The following SRRM4 variants were observed in gnomAD, a reference collection of about 807,000 sequenced individuals.
SRRM4 encodes the protein serine/arginine repetitive matrix protein 4.
SRRM4 carries 33 observed loss-of-function variants against 68.9 expected under a neutral mutation model. That is an observed-to-expected ratio of 0.48 (90% CI 0.36 to 0.64). The LOEUF is 0.64. Among genes scored for constraint, SRRM4 ranks in the 30% least tolerant of loss-of-function variants. The pLI, the probability that SRRM4 is intolerant of heterozygous loss-of-function variation, is 0.00. For missense variants in SRRM4, 817 were observed against 827.1 expected, an observed-to-expected ratio of 0.99 and a Z score of 0.15; for synonymous variants, 318 against 318.8, an observed-to-expected ratio of 1.00 and a Z score of 0.03.
At position 118,982,032 on chromosome 12, in the gene SRRM4, G is replaced by T; in HGVS notation, c.131+19G>T. The T allele has an allele frequency of 1.3e-6, 2 of 1,599,410 alleles. No individual in the cohort carries two copies. The highest frequency in any genetic ancestry group is 1.7e-4 in the Middle Eastern group (1 of 6,042). ...TGCCAAGGTAATGATCTCCTTCTTA[G>T]AAGGGGGGATCCTGAAGGTCCTCCT... On this transcript the variant is annotated intron_variant, in intron 1 of 12. Transcript: ENST00000267260.
intron 1 of SRRM4, among the ~76,000 whole-genome samples, chr12:119,042,399 G>A (rs922938244): frequency 6.6e-6 from 1 of 152,016 alleles, no homozygotes; most frequent in African/African-American, 2.4e-5. Context: ...GCAATAAATA[G>A]GAGAGATGCT....
chr12:119,129,088 C>A (rs1954277771), intron 7 of SRRM4, among the ~76,000 whole-genome samples: 2 of 152,210 alleles, frequency 1.3e-5, no homozygotes, highest in African/African-American at 4.8e-5. Context: ...CTGCCCTGGC[C>A]CTTGCTCTGC....
At chr12:119,005,107 T>A (rs1221223920) in intron 1 of SRRM4, among the ~76,000 whole-genome samples, 1 of 152,168 alleles carries the variant, frequency 6.6e-6, no homozygotes, top group Non-Finnish European at 1.5e-5. Flanking sequence ...GCCCCTAAAC[T>A]CTGGCTGACT....
At chr12:119,019,957 C>CA (rs201955812) in intron 1 of SRRM4, among the ~76,000 whole-genome samples, 15 of 84,202 alleles carry the variant, frequency 1.8e-4, no homozygotes, top group Non-Finnish European at 2.3e-4. Context: ...GCTCCCCCCC[C>CA]CCCCAAAAAA....
intron 1 of SRRM4, among the ~76,000 whole-genome samples, chr12:119,062,092 CA>C: frequency 6.6e-6 from 1 of 152,328 alleles, no homozygotes; most frequent in East Asian, 1.9e-4. Flanking sequence ...CCTAGGCTAC[CA>C]ACCTGCACAG....
rs1954436307 is a variant in SRRM4 at position 119,151,102 on chromosome 12, G to A, written c.1162G>A (p.Gly388Arg). ...PSTARSSPMK[G>R]CSRSSSYAST... ...CACAGCCCGGAGCTCACCCATGAAAGGGTGTTCCCGCAGCTCCTCCTATGC... is the reference window on the plus strand; with the variant it reads ...CACAGCCCGGAGCTCACCCATGAAAAGGTGTTCCCGCAGCTCCTCCTATGC... The change falls in exon 10 of 13, where the codon GGG (glycine) becomes AGG (arginine). Residue 388 changes from glycine to arginine, a missense_variant. Gly to Arg is a moderately radical substitution (Grantham distance 125). Coordinates refer to ENST00000267260, the MANE Select transcript of SRRM4 (RefSeq NM_194286.4). 1 of 1,613,854 alleles carries A rather than the reference G, an allele frequency of 6.2e-7. No homozygotes were observed. The highest frequency in any genetic ancestry group is 1.7e-5 in the Admixed American group (1 of 60,004).
At chr12:119,119,034 T>G (rs1406674103) in intron 4 of SRRM4, among the ~76,000 whole-genome samples, 1 of 146,932 alleles carries the variant, frequency 6.8e-6, no homozygotes, top group African/African-American at 2.5e-5. Flanking sequence ...GACCTAGGGG[T>G]AGCGAAAGCA....
chr12:119,003,229 T>C (rs1464457090), intron 1 of SRRM4, among the ~76,000 whole-genome samples: 1 of 151,644 alleles, frequency 6.6e-6, no homozygotes, highest in Non-Finnish European at 1.5e-5. Context: ...GCAAGTAGAT[T>C]TAACCCAGCC....
chr12:118,994,573 C>T (rs1459434921), intron 1 of SRRM4, among the ~76,000 whole-genome samples: 1 of 152,214 alleles, frequency 6.6e-6, no homozygotes, highest in African/African-American at 2.4e-5. Flanking sequence ...CTCCCAGTCA[C>T]CAAGCAAATG....
intron 1 of SRRM4, among the ~76,000 whole-genome samples, chr12:118,985,651 G>T (rs2135987001): frequency 6.6e-6 from 1 of 152,230 alleles, no homozygotes; most frequent in Non-Finnish European, 1.5e-5. Context: ...AGTGTAGAGA[G>T]CCACCTCCCT....
At chr12:119,049,710 G>A (rs964447096) in intron 1 of SRRM4, among the ~76,000 whole-genome samples, 1 of 152,140 alleles carries the variant, frequency 6.6e-6, no homozygotes, top group African/African-American at 2.4e-5. Context: ...TTTTCTCATT[G>A]TTTTGAAGGC....
At chr12:119,027,698 C>T (rs1051458341) in intron 1 of SRRM4, among the ~76,000 whole-genome samples, 1 of 152,146 alleles carries the variant, frequency 6.6e-6, no homozygotes, top group Non-Finnish European at 1.5e-5. Flanking sequence ...AAGTATTCTA[C>T]ATGTCTTATT....
chr12:119,111,274 T>C (rs1011894035), intron 2 of SRRM4, among the ~76,000 whole-genome samples: 1 of 152,182 alleles, frequency 6.6e-6, no homozygotes, highest in African/African-American at 2.4e-5. Flanking sequence ...CCCTCTATGA[T>C]GGTACAAGTA....
intron 1 of SRRM4, among the ~76,000 whole-genome samples, chr12:118,993,601 CCTT>C (rs1953331098): frequency 3.9e-5 from 6 of 152,130 alleles, no homozygotes; most frequent in Admixed American, 2.6e-4. Context: ...GGTCATGAAA[CCTT>C]CTTTCCATGG....
intron 1 of SRRM4, among the ~76,000 whole-genome samples, chr12:119,100,931 C>A (rs934692549): frequency 6.6e-6 from 1 of 152,152 alleles, no homozygotes; most frequent in African/African-American, 2.4e-5. Context: ...AATCTCCAGC[C>A]CTCCAGGGCT....
rs576314321 is a variant in SRRM4, at chr12:119,058,680, C to T, written c.132-43556C>T. On this transcript the variant is annotated intron_variant, in intron 1 of 12. Coordinates refer to ENST00000267260, the MANE Select transcript of SRRM4 (RefSeq NM_194286.4). ...TCAGCTACTATCAGAAATCTTTTCC[C>T]CCTCCCCACTTCTTCTGATGCTTCC... 2.6e-5 allele frequency among the ~76,000 whole-genome samples: 4 copies of T among 152,216 alleles called. No individual in the cohort carries two copies. In the East Asian group the frequency reaches 7.7e-4, roughly 29 times the overall value.
intron 1 of SRRM4, among the ~76,000 whole-genome samples, chr12:119,028,714 T>C (rs981233649): frequency 6.6e-6 from 1 of 152,202 alleles, no homozygotes; most frequent in African/African-American, 2.4e-5. Flanking sequence ...GTCCATGCTG[T>C]GTTTATTGTA....
At chr12:119,008,902 G>A (rs1953431680) in intron 1 of SRRM4, among the ~76,000 whole-genome samples, 1 of 152,050 alleles carries the variant, frequency 6.6e-6, no homozygotes, top group Admixed American at 6.5e-5. Context: ...GTGAGAGGAG[G>A]AGGAGGCAGG....
chr12:118,983,510 T>C (rs1448853583), intron 1 of SRRM4, among the ~76,000 whole-genome samples: 1 of 152,230 alleles, frequency 6.6e-6, no homozygotes, highest in Admixed American at 6.5e-5. Flanking sequence ...TTTATCTTCC[T>C]GGGTTTCTGC....
Sources: gnomAD v4.1 joint callset for allele counts (sites outside exome capture counted in the v4.1 genomes callset) on GRCh38, gnomAD v4.1.1 for gene constraint, MANE v1.5 for transcripts, NCBI Gene and HGNC (gene_info 2026-07-23, HGNC 2026-07-21) for gene names.